Variants in E2F5 observed in about 807,000 individuals in gnomAD.
E2F5 encodes the protein transcription factor E2F5.
E2F5 carries 23 observed loss-of-function variants against 39.1 expected under a neutral mutation model. The ratio of observed to expected loss-of-function variants is 0.59; its 90% CI spans 0.42 to 0.83. The LOEUF is 0.83. Among genes scored for constraint, E2F5 ranks in the 40% least tolerant of loss-of-function variants. The probability of loss-of-function intolerance (pLI) is 0.00; values close to 1 mark genes in which losing one functional copy is unlikely to be tolerated. For synonymous variants in E2F5, 145 were observed against 157.8 expected (o/e 0.92, Z 0.61); for missense variants, 365 against 406.7 (o/e 0.90, Z 0.88).
rs753945691 is a variant in E2F5 at position 85,177,670 on chromosome 8, G to C, written c.234+16G>C. 2 of 1,273,784 alleles carry C rather than the reference G, an allele frequency of 1.6e-6. No individual in the cohort carries two copies. The highest frequency in any genetic ancestry group is 2.0e-6 in the Non-Finnish European group (2 of 1,007,886). The allele number at this position is 1,273,784 out of a possible 1,614,324, so 78.9% of individuals were successfully genotyped here. A position where few individuals can be genotyped will look rare whatever the true frequency, so the allele number is the denominator to read the frequency against. On this transcript the variant is annotated intron_variant, in intron 1 of 7. Coordinates refer to ENST00000416274, the MANE Select transcript of E2F5 (RefSeq NM_001951.4). Reference sequence around the variant, plus strand: ...TCTCAAAGCGGTGAGCTCCGGAGGCGGGGACGGGGGCGGACTTCGGAACCC... The same window carrying C: ...TCTCAAAGCGGTGAGCTCCGGAGGCCGGGACGGGGGCGGACTTCGGAACCC...
chr8:85,179,867 A>G (rs1812162289), intron 1 of E2F5, among the ~76,000 whole-genome samples: 1 of 152,030 alleles, frequency 6.6e-6, no homozygotes, highest in Non-Finnish European at 1.5e-5. Context: ...TCACTGTGTT[A>G]GCTAGGATGG....
At chr8:85,183,476 A>G (rs1812265031) in intron 1 of E2F5, among the ~76,000 whole-genome samples, 1 of 152,236 alleles carries the variant, frequency 6.6e-6, no homozygotes, top group East Asian at 1.9e-4. Context: ...TGGCATTCAT[A>G]ATAGCCAAAA....
chr8:85,195,355 C>T (rs1812558763), intron 1 of E2F5, among the ~76,000 whole-genome samples: 1 of 151,962 alleles, frequency 6.6e-6, no homozygotes, highest in African/African-American at 2.4e-5. Flanking sequence ...TGCACTCCAG[C>T]TTGAACAGCA....
At position 85,212,205 on chromosome 8, in the gene E2F5, G is replaced by T; in HGVS notation, c.931+1G>T. On this transcript the variant is annotated splice_donor_variant, in intron 7 of 7. Transcript: ENST00000416274. LOFTEE classifies it high-confidence loss of function. ...ATTGATGAGTTAATGTCTTCTGACG[G>T]TAAGTAGGTTAAAATTTTACTAACT... The T allele has an allele frequency of 6.2e-7, 1 of 1,604,446 alleles. No homozygotes were observed. The highest frequency in any genetic ancestry group is 8.5e-7 in the Non-Finnish European group (1 of 1,173,150).
chr8:85,212,194 G>A lies in E2F5; in HGVS notation c.921G>A (p.Met307Ile). The A allele has an allele frequency of 6.2e-7, 1 of 1,608,966 alleles. No individual in the cohort carries two copies. The highest frequency in any genetic ancestry group is 8.5e-7 in the Non-Finnish European group (1 of 1,176,976). Residue 307 changes from methionine (M) to isoleucine (I), a missense_variant, in exon 7 of 8, where the codon ATG (methionine) becomes ATA (isoleucine). Met to Ile is a conservative substitution (Grantham distance 10). Coordinates refer to ENST00000416274, the MANE Select transcript of E2F5 (RefSeq NM_001951.4). ...SISGDIIDEL[M>I]SSDVFPLLRL... Reference sequence around the variant, plus strand: ...GTGGAGATATCATTGATGAGTTAATGTCTTCTGACGGTAAGTAGGTTAAAA... The same window carrying A: ...GTGGAGATATCATTGATGAGTTAATATCTTCTGACGGTAAGTAGGTTAAAA...
At chr8:85,205,220 G>A (rs1173454874) in intron 3 of E2F5, among the ~76,000 whole-genome samples, 4 of 151,454 alleles carry the variant, frequency 2.6e-5, no homozygotes, top group Admixed American at 6.6e-5. Flanking sequence ...CTAGCTAATC[G>A]TAGTGTTCTC....
At chr8:85,184,552 A>G (rs1227598212) in intron 1 of E2F5, among the ~76,000 whole-genome samples, 2 of 152,224 alleles carry the variant, frequency 1.3e-5, no homozygotes, top group Non-Finnish European at 2.9e-5. Context: ...AGGGCATTCA[A>G]ACAGGAAAAG....
rs563446155 is a variant in E2F5 at position 85,208,306 on chromosome 8, C to A, written c.615+817C>A. On this transcript the variant is annotated intron_variant, in intron 5 of 7. Transcript: ENST00000416274. ...TCGCGCCATTGCACTCCAGCCTGGGCAACAAGAGTGAAACTCTGTATCAAA... is the reference window on the plus strand; with the variant it reads ...TCGCGCCATTGCACTCCAGCCTGGGAAACAAGAGTGAAACTCTGTATCAAA... Among the ~76,000 whole-genome samples, 48 of 152,270 alleles carry A rather than the reference C, an allele frequency of 3.2e-4. 1 individual carries two copies. In the South Asian group the frequency reaches 9.9e-3, roughly 32 times the overall value.
At chr8:85,209,686 A>T (rs1352583144) in intron 6 of E2F5, among the ~76,000 whole-genome samples, 1 of 152,238 alleles carries the variant, frequency 6.6e-6, no homozygotes, top group Non-Finnish European at 1.5e-5. Context: ...GCTTGACTGC[A>T]GCCTATCACA....
In E2F5 at chr8:85,212,320, A is replaced by T. The variant is rs965768494; in HGVS notation, c.931+116A>T. 1.1e-5 allele frequency: 8 copies of T among 716,444 alleles called. No homozygotes were observed. The East Asian group carries it at 2.2e-4, about 20-fold the overall frequency. 44.4% of individuals were successfully genotyped at this position (716,444 alleles called of 1,614,324 possible). ...ATTTGCTACCTGCTTTACTATGAAG[A>T]TTCATGAAAATTCTCCCTTAACACT... On this transcript the variant is annotated intron_variant, in intron 7 of 7. Transcript: ENST00000416274.
chr8:85,197,486 G>T (rs935690244), intron 1 of E2F5, among the ~76,000 whole-genome samples: 1 of 152,130 alleles, frequency 6.6e-6, no homozygotes, highest in Non-Finnish European at 1.5e-5. Flanking sequence ...AGCTTTCCTG[G>T]TTCATTTGTC....
At position 85,212,193 on chromosome 8, in the gene E2F5, T is replaced by C. The variant is rs1313178824; in HGVS notation, c.920T>C (p.Met307Thr). Residue 307 changes from methionine (M) to threonine (T), a missense_variant, in exon 7 of 8, where the codon ATG (methionine) becomes ACG (threonine). Transcript: ENST00000416274. ...AGTGGAGATATCATTGATGAGTTAA[T>C]GTCTTCTGACGGTAAGTAGGTTAAA... is the stretch of plus-strand genomic sequence containing the variant. ...SISGDIIDEL[M>T]SSDVFPLLRL... The C allele has an allele frequency of 1.2e-6, 2 of 1,609,868 alleles. No homozygotes were observed. The highest frequency in any genetic ancestry group is 1.7e-6 in the Non-Finnish European group (2 of 1,177,446).
At position 85,177,378 on chromosome 8, in the gene E2F5, G is replaced by A. The variant is rs1228667677; in HGVS notation, c.-43G>A. The A allele has an allele frequency of 1.4e-5, 14 of 986,836 alleles. No homozygotes were observed. The highest frequency in any genetic ancestry group is 1.7e-5 in the Non-Finnish European group (14 of 831,704). The allele number at this position is 986,836 out of a possible 1,614,324, so 61.1% of individuals were successfully genotyped here. A position where few individuals can be genotyped will look rare whatever the true frequency, so the allele number is the denominator to read the frequency against. On this transcript the variant is annotated 5_prime_UTR_variant, in exon 1 of 8. Transcript: ENST00000416274. ...AGGTGGCCGCGGGCGGGGCCGGCGA[G>A]CGAAAGTGCGCGGGGGCCCGACCAC...
At chr8:85,178,131 G>T (rs1450876559) in intron 1 of E2F5, 1 of 149,634 alleles carries the variant, frequency 6.7e-6, no homozygotes, top group African/African-American at 2.5e-5. Context: ...TAAAAAGGAG[G>T]AAAAACAAAA....
At chr8:85,197,035 C>A (rs1812596305) in intron 1 of E2F5, among the ~76,000 whole-genome samples, 1 of 152,112 alleles carries the variant, frequency 6.6e-6, no homozygotes, top group African/African-American at 2.4e-5. Context: ...TGGGGGCCTT[C>A]CCATCTTCTT....
intron 1 of E2F5, among the ~76,000 whole-genome samples, chr8:85,180,541 T>TATATATATATAC (rs1812186163): frequency 9.4e-6 from 1 of 106,118 alleles, no homozygotes; most frequent in Non-Finnish European, 2.0e-5. Flanking sequence ...TATATATATA[T>TATATATATATAC]ATATATATAT....
intron 6 of E2F5, among the ~76,000 whole-genome samples, chr8:85,211,643 GTTTTTTTTTTTTTTT>G (rs950695727): frequency 4.6e-4 from 24 of 52,214 alleles, no homozygotes; most frequent in South Asian, 2.6e-3. Context: ...GTTTGTTGTT[GTTTTTTTTTTTTTTT>G]TTTTTTTTTT....
chr8:85,181,129 T>G (rs1049223890), intron 1 of E2F5, among the ~76,000 whole-genome samples: 1 of 151,612 alleles, frequency 6.6e-6, no homozygotes, highest in African/African-American at 2.4e-5. Context: ...TCTGCCTACC[T>G]TGGTCTCCCC....
At chr8:85,207,093 T>C (rs527741950) in intron 4 of E2F5, among the ~76,000 whole-genome samples, 1 of 152,336 alleles carries the variant, frequency 6.6e-6, no homozygotes, top group Non-Finnish European at 1.5e-5. Context: ...CTCAGTCCAA[T>C]GAACAGTGTT....
Sources: gnomAD v4.1 joint callset for allele counts (sites outside exome capture counted in the v4.1 genomes callset) on GRCh38, gnomAD v4.1.1 for gene constraint, MANE v1.5 for transcripts, NCBI Gene and HGNC (gene_info 2026-07-23, HGNC 2026-07-21) for gene names.